DOCK4: variants seen among roughly 807,000 people sequenced by gnomAD.
The protein encoded by DOCK4 is dedicator of cytokinesis protein 4.
DOCK4 carries 97 observed loss-of-function variants against 268.1 expected under a neutral mutation model. That is an observed-to-expected ratio of 0.36 (90% CI 0.31 to 0.43). DOCK4 has a LOEUF of 0.43. Among genes scored for constraint, DOCK4 ranks in the 20% least tolerant of loss-of-function variants. The pLI is 1.00. For synonymous variants in DOCK4, 954 were observed against 887.2 expected (o/e 1.08, Z -1.34); for missense variants, 2,145 against 2,455.7 (o/e 0.87, Z 2.67).
chr7:111,812,228 T>C (rs1203664435), intron 27 of DOCK4, among the ~76,000 whole-genome samples: 2 of 149,532 alleles, frequency 1.3e-5, no homozygotes, highest in Non-Finnish European at 1.5e-5. Context: ...TTTTGTAATG[T>C]TTTTTGTTAA....
chr7:112,179,111 C>T (rs960449294), intron 1 of DOCK4, among the ~76,000 whole-genome samples: 6 of 152,170 alleles, frequency 3.9e-5, no homozygotes, highest in African/African-American at 1.2e-4. Context: ...GGAGGCTGAA[C>T]GCATTTGGCT....
At chr7:112,070,912 G>A (rs1024028473) in intron 1 of DOCK4, among the ~76,000 whole-genome samples, 2 of 152,104 alleles carry the variant, frequency 1.3e-5, no homozygotes, top group Non-Finnish European at 2.9e-5. Context: ...GGGTTGAAGG[G>A]GCACGAGGTA....
At chr7:111,803,848 G>A (rs932200083) in intron 30 of DOCK4, among the ~76,000 whole-genome samples, 22 of 152,188 alleles carry the variant, frequency 1.4e-4, no homozygotes, top group African/African-American at 4.8e-4. Context: ...ATCACTAGTT[G>A]GCTTTTATGC....
chr7:112,088,403 G>A (rs889846068), intron 1 of DOCK4, among the ~76,000 whole-genome samples: 5 of 152,006 alleles, frequency 3.3e-5, no homozygotes, highest in Admixed American at 3.3e-4. Flanking sequence ...ATAATTAATG[G>A]ATTTTCTTAT....
intron 1 of DOCK4, among the ~76,000 whole-genome samples, chr7:112,128,897 C>A (rs1813535411): frequency 6.6e-6 from 1 of 151,986 alleles, no homozygotes. Flanking sequence ...CGAGAAACAC[C>A]CAAGAATGAT....
intron 1 of DOCK4, among the ~76,000 whole-genome samples, chr7:112,167,926 C>T (rs1817744992): frequency 6.6e-6 from 1 of 152,028 alleles, no homozygotes; most frequent in Admixed American, 6.6e-5. Context: ...TAACAATTGT[C>T]TACAACTTAA....
chr7:112,123,177 T>C (rs1425316682), intron 1 of DOCK4, among the ~76,000 whole-genome samples: 1 of 152,170 alleles, frequency 6.6e-6, no homozygotes, highest in Non-Finnish European at 1.5e-5. Context: ...CTTGGGAAAA[T>C]GTCCATTCAG....
chr7:112,028,276 G>A (rs557365961), intron 1 of DOCK4, among the ~76,000 whole-genome samples: 2 of 152,302 alleles, frequency 1.3e-5, no homozygotes, highest in South Asian at 4.1e-4. Flanking sequence ...AGCCCTCTGA[G>A]GGCTGAGAAT....
At chr7:111,925,382 A>G (rs1793520569) in intron 12 of DOCK4, among the ~76,000 whole-genome samples, 1 of 152,186 alleles carries the variant, frequency 6.6e-6, no homozygotes, top group Admixed American at 6.5e-5. Context: ...ACAGGCTCTG[A>G]AAGTCTCTGA....
At chr7:111,968,988 C>G (rs1332994878) in intron 8 of DOCK4, among the ~76,000 whole-genome samples, 5 of 96,052 alleles carry the variant, frequency 5.2e-5, no homozygotes, top group Non-Finnish European at 9.9e-5. Flanking sequence ...CATATTCTCA[C>G]TCATAGGTGG....
At chr7:111,841,236 C>T (rs1803668947) in intron 25 of DOCK4, among the ~76,000 whole-genome samples, 1 of 151,898 alleles carries the variant, frequency 6.6e-6, no homozygotes, top group Non-Finnish European at 1.5e-5. Flanking sequence ...ATGATCTCGG[C>T]TCACTGCAAC....
chr7:111,834,239 A>T (rs138012887), intron 26 of DOCK4, among the ~76,000 whole-genome samples: 1 of 152,182 alleles, frequency 6.6e-6, no homozygotes, highest in Non-Finnish European at 1.5e-5. Flanking sequence ...ATATTTACAT[A>T]TTCTCTTTTA....
At chr7:112,099,029 C>T (rs866265259) in intron 1 of DOCK4, among the ~76,000 whole-genome samples, 6 of 152,018 alleles carry the variant, frequency 3.9e-5, no homozygotes, top group Admixed American at 2.0e-4. Context: ...GTAGGTCAGC[C>T]CTGTAATCTC....
At chr7:112,094,989 T>G (rs1273834616) in intron 1 of DOCK4, among the ~76,000 whole-genome samples, 1 of 152,210 alleles carries the variant, frequency 6.6e-6, no homozygotes, top group Non-Finnish European at 1.5e-5. Flanking sequence ...ATGAGCTGAT[T>G]AAACCTCCTT....
At chr7:112,098,455 G>A (rs1024199542) in intron 1 of DOCK4, among the ~76,000 whole-genome samples, 3 of 151,566 alleles carry the variant, frequency 2.0e-5, no homozygotes, top group East Asian at 1.9e-4. Context: ...GGGATTACAG[G>A]TGCAAGCCAC....
intron 1 of DOCK4, among the ~76,000 whole-genome samples, chr7:112,198,499 C>T (rs1208298250): frequency 1.3e-5 from 2 of 152,134 alleles, no homozygotes; most frequent in Non-Finnish European, 2.9e-5. Context: ...CTTTCATTTC[C>T]TAAATATCTC....
chr7:111,870,220 T>C (rs1469537389), intron 20 of DOCK4, among the ~76,000 whole-genome samples: 1 of 152,096 alleles, frequency 6.6e-6, no homozygotes. Context: ...TTTTTTTTCC[T>C]GTTTTGAAAA....
At chr7:111,823,884 A>T (rs1268081205) in intron 26 of DOCK4, among the ~76,000 whole-genome samples, 6 of 152,230 alleles carry the variant, frequency 3.9e-5, no homozygotes, top group Non-Finnish European at 8.8e-5. Flanking sequence ...ATGTGCACAG[A>T]AGACAGAAAA....
intron 1 of DOCK4, among the ~76,000 whole-genome samples, chr7:112,030,942 C>T (rs148347598): frequency 0.012 from 1,860 of 152,300 alleles, 23 homozygotes; most frequent in Non-Finnish European, 0.017. Context: ...AGGATGATGC[C>T]TTTTAAGGCA....
Sources: allele counts gnomAD v4.1 joint callset (sites outside exome capture counted in the v4.1 genomes callset), GRCh38; gene constraint gnomAD v4.1.1; transcripts MANE v1.5; gene names NCBI Gene and HGNC (gene_info 2026-07-23, HGNC 2026-07-21).